The following CSMD1 variants were observed in gnomAD, a reference collection of about 807,000 sequenced individuals.
The protein encoded by CSMD1 is CUB and sushi domain-containing protein 1.
A neutral mutation model predicts 417.5 loss-of-function variants in CSMD1; 213 were observed. The ratio of observed to expected loss-of-function variants is 0.51; its 90% CI spans 0.46 to 0.57. The LOEUF is 0.57. Among genes scored for constraint, CSMD1 ranks in the 20% least tolerant of loss-of-function variants. The pLI, the probability that CSMD1 is intolerant of heterozygous loss-of-function variation, is 0.00. For synonymous variants in CSMD1, 2,862 were observed against 1,736.8 expected (o/e 1.65, Z -16.11); for missense variants, 6,923 against 4,529.7 (o/e 1.53, Z -15.17).
At chr8:3,187,751 G>T in intron 36 of CSMD1, 118 bp downstream of exon 36, 2 of 715,780 alleles carry the variant, frequency 2.8e-6, no homozygotes, top group Non-Finnish European at 4.9e-6. Flanking sequence ...CAACCATTAT[G>T]GAGATAGAAG....
chr8:3,814,581 G>T (rs773169929), intron 5 of CSMD1, among the ~76,000 whole-genome samples: 2 of 152,162 alleles, frequency 1.3e-5, no homozygotes, highest in Non-Finnish European at 2.9e-5. Context: ...TGCACCTAGT[G>T]GTAAGGCCAT....
chr8:3,829,144 C>A (rs1327245292), intron 5 of CSMD1, among the ~76,000 whole-genome samples: 11 of 152,214 alleles, frequency 7.2e-5, no homozygotes, highest in African/African-American at 2.6e-4. Context: ...GCAGTGTACA[C>A]TGCACTCTAT....
intron 7 of CSMD1, among the ~76,000 whole-genome samples, chr8:3,665,838 G>A (rs1798663754): frequency 6.6e-6 from 1 of 152,076 alleles, no homozygotes; most frequent in Non-Finnish European, 1.5e-5. Context: ...CAAGGCTTAG[G>A]CTCCTGCATT....
chr8:4,037,174 A>G (rs183451400), intron 3 of CSMD1, among the ~76,000 whole-genome samples: 3 of 152,252 alleles, frequency 2.0e-5, no homozygotes, highest in South Asian at 2.1e-4. Context: ...AGTGTTCAAT[A>G]TTAGAAGTGT....
At chr8:3,922,350 A>C (rs1290505430) in intron 5 of CSMD1, among the ~76,000 whole-genome samples, 1 of 152,222 alleles carries the variant, frequency 6.6e-6, no homozygotes, top group South Asian at 2.1e-4. Context: ...TTTGGATTAA[A>C]AAAAAATTAA....
intron 3 of CSMD1, among the ~76,000 whole-genome samples, chr8:4,081,635 T>G (rs1267950660): frequency 1.3e-5 from 2 of 152,164 alleles, no homozygotes. Flanking sequence ...AATGGAGATA[T>G]GGACTAAAAT....
At chr8:3,966,105 A>G (rs865783317) in intron 5 of CSMD1, among the ~76,000 whole-genome samples, 3 of 152,228 alleles carry the variant, frequency 2.0e-5, no homozygotes, top group Non-Finnish European at 2.9e-5. Flanking sequence ...AATGTACTTC[A>G]TAATTTAGGG....
At chr8:4,214,295 A>G (rs1278865253) in intron 3 of CSMD1, among the ~76,000 whole-genome samples, 1 of 152,142 alleles carries the variant, frequency 6.6e-6, no homozygotes, top group Admixed American at 6.5e-5. Flanking sequence ...ATTAGTAGTA[A>G]TAGTATTAGT....
intron 1 of CSMD1, among the ~76,000 whole-genome samples, chr8:4,882,793 C>T (rs1285317955): frequency 6.6e-6 from 1 of 151,844 alleles, no homozygotes; most frequent in Admixed American, 6.6e-5. Flanking sequence ...TGAACACTTC[C>T]TCCTTTTTCA....
At chr8:4,723,652 T>C (rs1378624090) in intron 1 of CSMD1, among the ~76,000 whole-genome samples, 2 of 152,030 alleles carry the variant, frequency 1.3e-5, no homozygotes, top group South Asian at 2.1e-4. Flanking sequence ...ACCTTACATA[T>C]GTATCTTTCT....
chr8:3,571,350 C>T (rs1799934875), intron 10 of CSMD1, among the ~76,000 whole-genome samples: 1 of 152,172 alleles, frequency 6.6e-6, no homozygotes, highest in African/African-American at 2.4e-5. Context: ...TACACATCTC[C>T]TACATAAAGA....
intron 3 of CSMD1, among the ~76,000 whole-genome samples, chr8:4,229,638 C>G (rs979458341): frequency 2.0e-5 from 3 of 152,166 alleles, no homozygotes; most frequent in African/African-American, 7.2e-5. Context: ...CTCCTCTTCT[C>G]CAGCTGCTTA....
intron 5 of CSMD1, among the ~76,000 whole-genome samples, chr8:3,942,004 C>G (rs1810915995): frequency 3.9e-5 from 6 of 152,074 alleles, no homozygotes; most frequent in African/African-American, 1.2e-4. Context: ...CTCCTCCTGT[C>G]AGACCAGCAG....
chr8:4,171,620 A>C (rs1275312750), intron 3 of CSMD1, among the ~76,000 whole-genome samples: 2 of 151,752 alleles, frequency 1.3e-5, no homozygotes, highest in Admixed American at 6.6e-5. Flanking sequence ...ACTAAATTTC[A>C]CTAAGCCAAA....
At chr8:4,624,207 A>G (rs780592819) in intron 2 of CSMD1, among the ~76,000 whole-genome samples, 6 of 152,122 alleles carry the variant, frequency 3.9e-5, no homozygotes, top group African/African-American at 7.2e-5. Context: ...GATGACCTCT[A>G]TTTGTCTAAA....
Position 3,407,939 on chromosome 8 carries a change from G to C in CSMD1, c.2031C>G (p.Asp677Glu), listed in dbSNP as rs745582238. The change falls in exon 14 of 70, where the codon GAC (aspartate) becomes GAG (glutamate). Residue 677 changes from aspartate (D) to glutamate (E), a missense_variant. Transcript: ENST00000635120. Reference protein sequence around the residue: ...GHIVRLEFQSDHSTTGRGFNI... With the variant: ...GHIVRLEFQSEHSTTGRGFNI... ...TGAACCCTCTGCCAGTAGTGGAATG[G>C]TCAGACTGAAATTCCAAGCGAACTA... 5.0e-6 allele frequency: 8 copies of C among 1,613,380 alleles called. No individual in the cohort carries two copies. The highest frequency in any genetic ancestry group is 1.3e-5 in the African/African-American group (1 of 75,006).
At chr8:3,158,921 G>C (rs1819708905) in intron 38 of CSMD1, among the ~76,000 whole-genome samples, 1 of 152,276 alleles carries the variant, frequency 6.6e-6, no homozygotes, top group African/African-American at 2.4e-5. Flanking sequence ...CACTAATGCA[G>C]TTATCAATGG....
chr8:4,576,950 G>C (rs991044482), intron 2 of CSMD1, among the ~76,000 whole-genome samples: 1 of 152,132 alleles, frequency 6.6e-6, no homozygotes, highest in East Asian at 1.9e-4. Context: ...AATCCTCCAA[G>C]CTCTCAGCTA....
chr8:3,276,945 G>C (rs541636232), intron 26 of CSMD1, among the ~76,000 whole-genome samples: 5 of 152,246 alleles, frequency 3.3e-5, no homozygotes, highest in East Asian at 1.9e-4. Context: ...AATGGGCTAA[G>C]CACTATTATA....
Sources: gnomAD v4.1 joint callset for allele counts (sites outside exome capture counted in the v4.1 genomes callset) on GRCh38, gnomAD v4.1.1 for gene constraint, MANE v1.5 for transcripts, NCBI Gene and HGNC (gene_info 2026-07-23, HGNC 2026-07-21) for gene names.